ULK2: variants seen among roughly 807,000 people sequenced by gnomAD.
ULK2 encodes the protein unc-51 like autophagy activating kinase 2.
A neutral mutation model predicts 127.5 loss-of-function variants in ULK2; 76 were observed. That is an observed-to-expected ratio of 0.60 (90% CI 0.50 to 0.72). The LOEUF (loss-of-function observed/expected upper bound fraction) is 0.72, where lower values mean the gene tolerates loss of function less well. Ranked by LOEUF, ULK2 falls within the 30% of genes least tolerant of loss-of-function variation. ULK2 has a pLI of 0.00. For missense variants in ULK2, 1,144 were observed against 1,295.9 expected (o/e 0.88, Z 1.80); for synonymous variants, 452 against 461.9 (o/e 0.98, Z 0.28).
At chr17:19,809,192 G>C (rs1177450395) in intron 14 of ULK2, among the ~76,000 whole-genome samples, 1 of 152,158 alleles carries the variant, frequency 6.6e-6, no homozygotes, top group Non-Finnish European at 1.5e-5. Flanking sequence ...AATGCTATAT[G>C]ATTTCACTTA....
At chr17:19,809,681 C>T (rs1273757124) in intron 14 of ULK2, among the ~76,000 whole-genome samples, 4 of 133,398 alleles carry the variant, frequency 3.0e-5, no homozygotes, top group Admixed American at 9.2e-5. Flanking sequence ...TGCAGTGAGC[C>T]GACATCACGC....
At chr17:19,857,984 AT>A in intron 3 of ULK2, among the ~76,000 whole-genome samples, 1 of 151,760 alleles carries the variant, frequency 6.6e-6, no homozygotes, top group Middle Eastern at 3.4e-3. Flanking sequence ...TCTCCCACCC[AT>A]CCCTCAGTCT....
chr17:19,818,959 C>G (rs1268513222), intron 12 of ULK2, among the ~76,000 whole-genome samples: 6 of 151,996 alleles, frequency 3.9e-5, no homozygotes, highest in Admixed American at 3.9e-4. Context: ...TGCCACCATG[C>G]CTGGCTAATT....
intron 7 of ULK2, among the ~76,000 whole-genome samples, chr17:19,843,954 GGC>G (rs1317430090): frequency 1.3e-5 from 2 of 152,002 alleles, no homozygotes; most frequent in African/African-American, 4.8e-5. Flanking sequence ...CCCTGCGCCT[GGC>G]CTATTTGATT....
At chr17:19,806,413 G>C (rs1477580867) in intron 14 of ULK2, among the ~76,000 whole-genome samples, 2 of 152,072 alleles carry the variant, frequency 1.3e-5, no homozygotes, top group Non-Finnish European at 2.9e-5. Context: ...ACCCAAAGAA[G>C]TAAACTTAGC....
Position 19,795,667 on chromosome 17 carries a change from G to A in ULK2, c.2056C>T (p.Gln686Ter). 1 of 1,614,106 alleles carries A rather than the reference G, an allele frequency of 6.2e-7. No individual in the cohort carries two copies. The highest frequency in any genetic ancestry group is 8.5e-7 in the Non-Finnish European group (1 of 1,180,000). ...GTATTTAAACTGTCTGTGCTGCCCT[G>A]ATGTCGACATATAGGAGTCTTTCCT... ...QQGKTPICRH[Q>*]GSTDSLNTER... The change falls in exon 20 of 27, where the codon CAG becomes TAG. Residue 686 changes from glutamine (Q) to a stop codon, truncating the protein, a stop_gained. Coordinates refer to ENST00000395544, the MANE Select transcript of ULK2 (RefSeq NM_014683.4). LOFTEE classifies it high-confidence loss of function.
intron 12 of ULK2, among the ~76,000 whole-genome samples, chr17:19,822,662 C>T (rs115567341): frequency 0.01 from 1,560 of 151,520 alleles, 23 homozygotes; most frequent in African/African-American, 0.033. Flanking sequence ...ACCACCACAC[C>T]CGGCCCGTTT....
intron 22 of ULK2, among the ~76,000 whole-genome samples, 175 bp downstream of exon 22, chr17:19,783,522 G>A (rs1267470032): frequency 1.3e-5 from 2 of 152,168 alleles, no homozygotes; most frequent in African/African-American, 4.8e-5. Flanking sequence ...TATTATGGAT[G>A]AGTGTCACTG....
At chr17:19,795,132 A>C (rs1255762515) in intron 20 of ULK2, among the ~76,000 whole-genome samples, 4 of 152,030 alleles carry the variant, frequency 2.6e-5, no homozygotes, top group African/African-American at 9.7e-5. Flanking sequence ...ACGGAATTAC[A>C]GTCTAGAATC....
chr17:19,819,838 G>A (rs574736369), intron 12 of ULK2, among the ~76,000 whole-genome samples: 18 of 152,110 alleles, frequency 1.2e-4, no homozygotes, highest in South Asian at 6.2e-4. Context: ...TTCAGGCTTC[G>A]TTCTCAAAAC....
chr17:19,843,205 CATA>C lies in ULK2; in HGVS notation c.558_560del (p.Ile186del). ...CAGCCTTAGCATCATAATGTTGAGA[CATA>C]ATAACCTCAGGAGCCTGGGAACAGA... On this transcript the variant is annotated inframe_deletion, in exon 8 of 27. Transcript: ENST00000395544. The C allele has an allele frequency of 6.3e-7, 1 of 1,578,852 alleles. No homozygotes were observed. Among genetic ancestry groups the C allele is most frequent in the Non-Finnish European group, 8.6e-7 (1 of 1,169,272 alleles).
intron 5 of ULK2, chr17:19,848,264 G>A (rs181970206): frequency 8.5e-5 from 13 of 152,252 alleles, no homozygotes; most frequent in African/African-American, 2.6e-4. Flanking sequence ...CCTACACTGA[G>A]GATTTAGTAT....
chr17:19,797,913 C>T (rs762272752), intron 17 of ULK2, among the ~76,000 whole-genome samples: 3 of 152,080 alleles, frequency 2.0e-5, no homozygotes, highest in Non-Finnish European at 4.4e-5. Context: ...AGGTTATTAG[C>T]TGTTTTTAAT....
chr17:19,814,440 T>TATATA (rs1567696572), intron 13 of ULK2, among the ~76,000 whole-genome samples: 9 of 7,076 alleles, frequency 1.3e-3, no homozygotes, highest in African/African-American at 2.3e-3. Flanking sequence ...ATATATATAT[T>TATATA]TTTTTTTTTT....
In ULK2 at chr17:19,840,115, GGGT is replaced by G. The variant is rs1398773238; in HGVS notation, c.704+1371_704+1373del. 1.6e-4 allele frequency: 60 copies of G among 376,526 alleles called. No individual in the cohort carries two copies. The East Asian group carries it at 4.6e-3, about 29-fold the overall frequency. The allele number at this position is 376,526 out of a possible 1,614,324, so 23.3% of individuals were successfully genotyped here. A position where few individuals can be genotyped will look rare whatever the true frequency, so the allele number is the denominator to read the frequency against. On this transcript the variant is annotated intron_variant, in intron 9 of 26. Coordinates refer to ENST00000395544, the MANE Select transcript of ULK2 (RefSeq NM_014683.4). ...ACAGTGGCAGGTGCAGTTGAGCTCTGGGTCACCAAGATGTCGTTCCCAAAGTAT... is the reference window on the plus strand; with the variant it reads ...ACAGTGGCAGGTGCAGTTGAGCTCTGCACCAAGATGTCGTTCCCAAAGTAT...
intron 20 of ULK2, among the ~76,000 whole-genome samples, chr17:19,788,407 C>G (rs1048421028): frequency 1.3e-5 from 2 of 151,866 alleles, no homozygotes; most frequent in African/African-American, 4.8e-5. Flanking sequence ...CGGGCAGAGT[C>G]GTGAGACCCC....
At chr17:19,825,327 AC>A (rs2041261287) in intron 11 of ULK2, 145 bp from the exon 12 acceptor site, 7 of 639,778 alleles carry the variant, frequency 1.1e-5, no homozygotes, top group South Asian at 1.1e-4. Context: ...TGCTGATGAA[AC>A]TAAAAATGCA....
intron 22 of ULK2, among the ~76,000 whole-genome samples, chr17:19,782,447 G>A (rs1266258225): frequency 6.6e-6 from 1 of 152,232 alleles, no homozygotes; most frequent in Non-Finnish European, 1.5e-5. Flanking sequence ...TCTTGATACT[G>A]TATTGAATTC....
intron 17 of ULK2, 67 bp from the exon 18 acceptor site, chr17:19,797,749 A>C: frequency 7.6e-7 from 1 of 1,317,364 alleles, no homozygotes; most frequent in Admixed American, 3.1e-5. Flanking sequence ...GTAAAAATTA[A>C]GAAGACAATT....
Sources: allele counts gnomAD v4.1 joint callset (sites outside exome capture counted in the v4.1 genomes callset), GRCh38; gene constraint gnomAD v4.1.1; transcripts MANE v1.5; gene names NCBI Gene and HGNC (gene_info 2026-07-23, HGNC 2026-07-21).